CMIP: variants seen among roughly 807,000 people sequenced by gnomAD.
CMIP encodes c-Maf inducing protein.
A neutral mutation model predicts 97.3 loss-of-function variants in CMIP; 13 were observed. The ratio of observed to expected loss-of-function variants is 0.13; its 90% CI spans 0.09 to 0.21. The LOEUF (loss-of-function observed/expected upper bound fraction) is 0.21. Among genes scored for constraint, CMIP ranks in the 10% least tolerant of loss-of-function variants. The probability of loss-of-function intolerance (pLI) is 1.00; values close to 1 mark genes in which losing one functional copy is unlikely to be tolerated. For missense variants in CMIP, 847 were observed against 1,024.9 expected, an observed-to-expected ratio of 0.83 and a Z score of 2.37; for synonymous variants, 538 against 436.3, an observed-to-expected ratio of 1.23 and a Z score of -2.91.
At position 81,652,171 on chromosome 16, in the gene CMIP, C is replaced by G. The variant is rs2092435608; in HGVS notation, c.478-32C>G. 6.4e-7 allele frequency: 1 copy of G among 1,572,494 alleles called. No homozygotes were observed. ...TCTTCTGCCTTCCTTACGTGAGTAA[C>G]ATGTTGCTGTCTCTTTATCTCTTTC... is the stretch of plus-strand genomic sequence containing the variant. On this transcript the variant is annotated intron_variant, in intron 3 of 20. Coordinates refer to ENST00000537098, the MANE Select transcript of CMIP (RefSeq NM_198390.3). The surrounding 1 kb of genome is among the most constrained non-coding windows in gnomAD (Gnocchi z 5.2).
intron 9 of CMIP, among the ~76,000 whole-genome samples, chr16:81,676,707 G>A (rs1255147112): frequency 3.3e-5 from 5 of 152,214 alleles, no homozygotes; most frequent in Non-Finnish European, 7.3e-5. Flanking sequence ...CTCAGCTCAG[G>A]CCTGGTTCCT....
At chr16:81,521,409 C>T (rs1029346820) in intron 1 of CMIP, among the ~76,000 whole-genome samples, 32 of 152,100 alleles carry the variant, frequency 2.1e-4, no homozygotes, top group Admixed American at 4.6e-4. Context: ...CGAGCTGCCC[C>T]CGCTGTCGTT....
intron 1 of CMIP, among the ~76,000 whole-genome samples, chr16:81,599,455 G>C (rs1038977663): frequency 1.3e-5 from 2 of 152,206 alleles, no homozygotes; most frequent in Non-Finnish European, 2.9e-5. Flanking sequence ...TTCTGCCTTG[G>C]AGGCCAAGCT....
chr16:81,606,728 A>G (rs2091750108), intron 1 of CMIP, among the ~76,000 whole-genome samples: 1 of 152,208 alleles, frequency 6.6e-6, no homozygotes, highest in Admixed American at 6.5e-5. Flanking sequence ...CCAACAGATA[A>G]TGACACAGAA....
intron 1 of CMIP, among the ~76,000 whole-genome samples, chr16:81,474,974 G>A (rs1472088661): frequency 6.6e-6 from 1 of 152,228 alleles, no homozygotes; most frequent in Non-Finnish European, 1.5e-5. Context: ...GGTTTGGGAT[G>A]TCACTTCACT....
At chr16:81,668,675 G>C (rs543263101) in intron 7 of CMIP, among the ~76,000 whole-genome samples, 2 of 152,200 alleles carry the variant, frequency 1.3e-5, no homozygotes, top group East Asian at 1.9e-4. Context: ...CCTCCAACCA[G>C]GGTGGTGTCC....
intron 1 of CMIP, among the ~76,000 whole-genome samples, chr16:81,461,350 C>T (rs1906886242): frequency 6.6e-6 from 1 of 152,144 alleles, no homozygotes; most frequent in Non-Finnish European, 1.5e-5. Context: ...TCAGAGCCAG[C>T]CATAGTTGGA....
chr16:81,645,332 G>T (rs748481788), intron 3 of CMIP: 16 of 1,371,624 alleles, frequency 1.2e-5, no homozygotes, highest in Non-Finnish European at 1.5e-5. Context: ...TTCACGACAG[G>T]TGGTGGGGAG....
chr16:81,554,966 G>C (rs76006132), intron 1 of CMIP, among the ~76,000 whole-genome samples: 81 of 152,162 alleles, frequency 5.3e-4, no homozygotes, highest in Non-Finnish European at 6.2e-4. Flanking sequence ...CCCCCAGAAG[G>C]GGGGGTTTTT....
chr16:81,661,793 G>C (rs561911675), intron 6 of CMIP, among the ~76,000 whole-genome samples: 1 of 152,216 alleles, frequency 6.6e-6, no homozygotes, highest in South Asian at 2.1e-4. Context: ...TATGTGTCAG[G>C]GGACGGGAGC....
chr16:81,557,846 G>A (rs2090796495), intron 1 of CMIP, among the ~76,000 whole-genome samples: 1 of 152,152 alleles, frequency 6.6e-6, no homozygotes, highest in South Asian at 2.1e-4. Flanking sequence ...CAGTTCGGTG[G>A]CATTAAGTAC....
intron 20 of CMIP, among the ~76,000 whole-genome samples, chr16:81,708,259 G>A (rs892596376): frequency 1.3e-5 from 2 of 152,242 alleles, no homozygotes; most frequent in African/African-American, 4.8e-5. Flanking sequence ...CCAGCGTTTA[G>A]ACCTCAGCCC....
intron 1 of CMIP, among the ~76,000 whole-genome samples, chr16:81,509,562 A>G (rs1014422774): frequency 2.6e-5 from 4 of 152,122 alleles, no homozygotes; most frequent in African/African-American, 4.8e-5. Context: ...CTCGGGGGTC[A>G]TAGTCTGGCT....
At chr16:81,449,923 A>G (rs1390161128) in intron 1 of CMIP, among the ~76,000 whole-genome samples, 1 of 152,238 alleles carries the variant, frequency 6.6e-6, no homozygotes, top group Admixed American at 6.5e-5. Context: ...TGTTCCGGCC[A>G]CGGCAACATC....
intron 1 of CMIP, among the ~76,000 whole-genome samples, chr16:81,510,460 T>C (rs1185916970): frequency 1.3e-5 from 2 of 152,224 alleles, no homozygotes; most frequent in African/African-American, 4.8e-5. Flanking sequence ...GACAGTCTTC[T>C]GAGGAAACAC....
chr16:81,561,078 C>G (rs562518658), intron 1 of CMIP, among the ~76,000 whole-genome samples: 2 of 152,312 alleles, frequency 1.3e-5, no homozygotes, highest in South Asian at 4.1e-4. Context: ...CCTCAGCCTC[C>G]TAAGTAGCTG....
chr16:81,678,580 C>T lies in CMIP; in HGVS notation c.1340C>T (p.Pro447Leu). The T allele has an allele frequency of 6.2e-7, 1 of 1,605,144 alleles. No individual in the cohort carries two copies. The highest frequency in any genetic ancestry group is 1.3e-5 in the African/African-American group (1 of 74,966). The change falls in exon 10 of 21, where the codon CCC (proline) becomes CTC (leucine). Residue 447 changes from proline to leucine, a missense_variant. By Grantham distance (98) the Pro-to-Leu change is moderately conservative. Transcript: ENST00000537098. ...AGCACCATGAGCATCGAGCTGGGCC[C>T]CCAGGCCGACCGCACGCTCGGCTGC... ...ACSTMSIELG[P>L]QADRTLGCYV... is the part of the protein sequence containing the mutation.
chr16:81,511,422 G>T (rs1292753641), intron 1 of CMIP, among the ~76,000 whole-genome samples: 3 of 152,096 alleles, frequency 2.0e-5, no homozygotes, highest in Non-Finnish European at 4.4e-5. Context: ...GCTTACTGAA[G>T]GTTTTACAAT....
At chr16:81,601,826 G>A (rs1209212438) in intron 1 of CMIP, among the ~76,000 whole-genome samples, 1 of 152,292 alleles carries the variant, frequency 6.6e-6, no homozygotes, top group South Asian at 2.1e-4. Flanking sequence ...CTCAGTTAGC[G>A]AGCGGTCCCA....
Sources: gnomAD v4.1 joint callset for allele counts (sites outside exome capture counted in the v4.1 genomes callset) on GRCh38, gnomAD v4.1.1 for gene constraint, Gnocchi (gnomAD v3.1) non-coding constraint, MANE v1.5 for transcripts, NCBI Gene and HGNC (gene_info 2026-07-23, HGNC 2026-07-21) for gene names.